Variants in ZFP90 observed in about 807,000 individuals in gnomAD.
ZFP90 encodes the protein zinc finger protein 90 homolog.
A neutral mutation model predicts 60.8 loss-of-function variants in ZFP90; 38 were observed. The observed-to-expected ratio is 0.62, with a 90% CI of 0.48 to 0.82. The LOEUF is 0.82. Among genes scored for constraint, ZFP90 ranks in the 40% least tolerant of loss-of-function variants. ZFP90 has a pLI of 0.00. For synonymous variants in ZFP90, 287 were observed against 264.8 expected (o/e 1.08, Z -0.82); for missense variants, 711 against 759.1 (o/e 0.94, Z 0.74).
Position 68,563,497 on chromosome 16 carries a change from G to T in ZFP90, c.710G>T (p.Gly237Val). The change falls in exon 5 of 5, where the codon GGA (glycine) becomes GTA (valine). Residue 237 changes from glycine to valine, a missense_variant. This residue lies in a region of ZFP90 where 241 missense variants were observed against 247.6 expected (regional missense o/e 0.97). Transcript: ENST00000563169. Reference protein sequence around the residue: ...TKHEKTHKGEGAFPNGTDQGI... With the variant: ...TKHEKTHKGEVAFPNGTDQGI... ...CATGAGAAAACACATAAAGGAGAGGGAGCTTTCCCTAATGGAACAGATCAA... is the reference window on the plus strand; with the variant it reads ...CATGAGAAAACACATAAAGGAGAGGTAGCTTTCCCTAATGGAACAGATCAA... The T allele has an allele frequency of 6.2e-7, 1 of 1,614,170 alleles. No homozygotes were observed. The highest frequency in any genetic ancestry group is 1.1e-5 in the South Asian group (1 of 91,088).
chr16:68,534,169 G>A (rs552525679), intron 2 of ZFP90, among the ~76,000 whole-genome samples: 3 of 150,310 alleles, frequency 2.0e-5, no homozygotes, highest in Admixed American at 1.3e-4. Context: ...TTTTATCTTC[G>A]GGTGTGTCTA....
intron 2 of ZFP90, among the ~76,000 whole-genome samples, chr16:68,540,657 A>C (rs886162590): frequency 6.6e-6 from 1 of 151,996 alleles, no homozygotes; most frequent in African/African-American, 2.4e-5. Context: ...GGTGTGTGAG[A>C]CATCAAGATC....
Position 68,566,032 on chromosome 16 carries a change from G to A in ZFP90, c.*1334G>A. On this transcript the variant is annotated 3_prime_UTR_variant, in exon 5 of 5. Transcript: ENST00000563169. ...AGTGGTAGTCCCAGCTACTCAGGAGGCTGAGGTGGGAGGATCACTGGAACC... is the reference window on the plus strand; with the variant it reads ...AGTGGTAGTCCCAGCTACTCAGGAGACTGAGGTGGGAGGATCACTGGAACC... The A allele has an allele frequency of 2.4e-6, 2 of 846,694 alleles. No individual in the cohort carries two copies. Among genetic ancestry groups the A allele is most frequent in the Non-Finnish European group, 2.8e-6 (2 of 703,460 alleles). The allele number at this position is 846,694 out of a possible 1,614,324, so 52.4% of individuals were successfully genotyped here.
intron 2 of ZFP90, among the ~76,000 whole-genome samples, chr16:68,547,304 C>T: frequency 6.6e-6 from 1 of 152,302 alleles, no homozygotes; most frequent in Middle Eastern, 3.4e-3. Flanking sequence ...GCCATCCTAA[C>T]CAGTGTGAGG....
Position 68,564,111 on chromosome 16 carries a change from A to C in ZFP90, c.1324A>C (p.Ser442Arg). The C allele has an allele frequency of 6.2e-7, 1 of 1,614,184 alleles. No individual in the cohort carries two copies. The highest frequency in any genetic ancestry group is 8.5e-7 in the Non-Finnish European group (1 of 1,180,012). The change falls in exon 5 of 5, where the codon AGC becomes CGC. Residue 442 changes from serine to arginine, a missense_variant. Physicochemically the swap from Ser to Arg is moderately radical, Grantham distance 110. Around this residue, in one of 5 missense-constraint regions of ZFP90, gnomAD observed 295 missense variants for 274.0 expected, o/e 1.08. Coordinates refer to ENST00000563169, the MANE Select transcript of ZFP90 (RefSeq NM_001305203.2). ...CAGCACATCTCTCACTCAAGATGAA[A>C]GCACTCTTACCGAAGTGAAATCCTA... ...KHSTSLTQDE[S>R]TLTEVKSYHC...
At chr16:68,572,916 G>A (rs1459062795) in intron 2 of ZFP90, among the ~76,000 whole-genome samples, 1 of 152,242 alleles carries the variant, frequency 6.6e-6, no homozygotes, top group Non-Finnish European at 1.5e-5. Context: ...TAGCAGCAGA[G>A]TGGAGATCTC....
At chr16:68,539,967 AC>A (rs2091010838) in intron 2 of ZFP90, 142 bp downstream of exon 2, 5 of 1,255,738 alleles carry the variant, frequency 4.0e-6, no homozygotes, top group Admixed American at 4.9e-5. Context: ...GCCATGGAAA[AC>A]CCCAGGCTTT....
intron 2 of ZFP90, among the ~76,000 whole-genome samples, chr16:68,545,390 T>G (rs2091130794): frequency 1.3e-5 from 2 of 152,190 alleles, no homozygotes; most frequent in Admixed American, 1.3e-4. Flanking sequence ...TAGCACAAAT[T>G]ATATTTTCCA....
upstream of ZFP90, among the ~76,000 whole-genome samples, chr16:68,537,326 A>G (rs759114445): frequency 6.6e-6 from 1 of 151,912 alleles, no homozygotes; most frequent in South Asian, 2.1e-4. Context: ...GGGTTTTACT[A>G]TGTTGGCCAG....
intron 4 of ZFP90, among the ~76,000 whole-genome samples, chr16:68,561,010 T>C (rs2091432600): frequency 6.6e-6 from 1 of 152,118 alleles, no homozygotes; most frequent in Admixed American, 6.6e-5. Flanking sequence ...TGCTCCTGCC[T>C]CAGCCATCTG....
intron 2 of ZFP90, among the ~76,000 whole-genome samples, chr16:68,545,328 A>G (rs1226334789): frequency 6.6e-6 from 1 of 152,164 alleles, no homozygotes; most frequent in Non-Finnish European, 1.5e-5. Flanking sequence ...TAACATGATC[A>G]TTCAGAATCA....
chr16:68,558,234 T>C, intron 3 of ZFP90, 110 bp downstream of exon 3: 2 of 1,490,428 alleles, frequency 1.3e-6, no homozygotes, highest in Non-Finnish European at 1.8e-6. Context: ...TGCTCAGGGG[T>C]CAGAGCTTGT....
chr16:68,546,161 C>A (rs369571685), intron 2 of ZFP90, among the ~76,000 whole-genome samples: 3 of 152,250 alleles, frequency 2.0e-5, no homozygotes, highest in African/African-American at 4.8e-5. Flanking sequence ...GGCGACACAG[C>A]AAGACTCTGA....
intron 2 of ZFP90, among the ~76,000 whole-genome samples, chr16:68,554,862 G>A (rs1174965447): frequency 6.6e-6 from 1 of 152,176 alleles, no homozygotes; most frequent in Non-Finnish European, 1.5e-5. Flanking sequence ...AAGGAGTCCT[G>A]GTTGGGCAAT....
In ZFP90 at chr16:68,565,733, T is replaced by TG. The variant is rs11421962; in HGVS notation, c.*1035_*1036insG. 9.1e-6 allele frequency: 9 copies of TG among 985,274 alleles called. No homozygotes were observed. Among genetic ancestry groups the TG allele is most frequent in the East Asian group, 1.1e-4 (1 of 8,954 alleles). 61.0% of individuals were successfully genotyped at this position (985,274 alleles called of 1,614,324 possible). On this transcript the variant is annotated 3_prime_UTR_variant, in exon 5 of 5. Coordinates refer to ENST00000563169, the MANE Select transcript of ZFP90 (RefSeq NM_001305203.2). ...TCCCGTTAATTTTCTTGCAGAAAAG[T>TG]TAAGTCTAATTGCCCATTGCCATAA...
chr16:68,567,237 T>A, downstream of ZFP90: 1 of 842,902 alleles, frequency 1.2e-6, no homozygotes, highest in Non-Finnish European at 1.4e-6. Flanking sequence ...CCAGGTGAGT[T>A]AATAGCTACC....
At chr16:68,550,581 C>T (rs1240092383) in intron 2 of ZFP90, among the ~76,000 whole-genome samples, 1 of 152,212 alleles carries the variant, frequency 6.6e-6, no homozygotes, top group Admixed American at 6.5e-5. Flanking sequence ...CACACATGCC[C>T]ATTTGGACTA....
chr16:68,566,054 A>C lies in ZFP90; in HGVS notation c.*1356A>C. ...GAGGCTGAGGTGGGAGGATCACTGG[A>C]ACCCGGGAGCAGAGACTGCAGTGAG... On this transcript the variant is annotated 3_prime_UTR_variant, in exon 5 of 5. Transcript: ENST00000563169. The C allele has an allele frequency of 2.2e-6, 2 of 930,084 alleles. No individual in the cohort carries two copies. Among genetic ancestry groups the C allele is most frequent in the Admixed American group, 6.2e-5 (1 of 16,208 alleles). 57.6% of individuals were successfully genotyped at this position (930,084 alleles called of 1,614,324 possible).
upstream of ZFP90, among the ~76,000 whole-genome samples, chr16:68,535,280 C>A (rs1021297054): frequency 6.6e-6 from 1 of 152,190 alleles, no homozygotes; most frequent in African/African-American, 2.4e-5. Flanking sequence ...CACATAGGAA[C>A]CAGGTTTGGT....
Sources: gnomAD v4.1 joint callset for allele counts (sites outside exome capture counted in the v4.1 genomes callset) on GRCh38, gnomAD v4.1.1 for gene constraint, gnomAD v4.1.1 regional missense constraint, MANE v1.5 for transcripts, NCBI Gene and HGNC (gene_info 2026-07-23, HGNC 2026-07-21) for gene names.